Variants in MKS1 observed in about 807,000 individuals in gnomAD.
The protein encoded by MKS1 is MKS transition zone complex subunit 1, also known as tectonic-like complex member MKS1.
Under a neutral mutation model 83.7 loss-of-function variants are expected in MKS1, and 70 were observed. The observed-to-expected ratio is 0.84, with a 90% confidence interval of 0.69 to 1.02. The LOEUF is 1.02. Among genes scored for constraint, MKS1 ranks in the 50% least tolerant of loss-of-function variants. The pLI, the probability that MKS1 is intolerant of heterozygous loss-of-function variation, is 0.00. For missense variants in MKS1, 681 were observed against 726.9 expected (o/e 0.94, Z 0.73); for synonymous variants, 251 against 273.4 (o/e 0.92, Z 0.81).
At position 58,214,289 on chromosome 17, in the gene MKS1, T is replaced by C. The variant is rs1186426432; in HGVS notation, c.614A>G (p.His205Arg). ...ATAGGGCCCCAGGTCTGCCATGATG[T>C]GCATTGTCTGAAGAGGGGTGTTAAT... ...HVINTPLQTM[H>R]IMADLGPYKK... Residue 205 changes from histidine to arginine, a missense_variant, in exon 6 of 18, where the codon CAC becomes CGC. Around this residue, in one of 3 missense-constraint regions of MKS1, gnomAD observed 365 missense variants for 383.8 expected, o/e 0.95. Coordinates refer to ENST00000393119, the MANE Select transcript of MKS1 (RefSeq NM_017777.4). 6.2e-7 allele frequency: 1 copy of C among 1,614,034 alleles called. No homozygotes were observed. The highest frequency in any genetic ancestry group is 8.5e-7 in the Non-Finnish European group (1 of 1,180,040).
intron 5 of MKS1, 32 bp from the exon 6 acceptor site, chr17:58,214,419 G>A: frequency 6.2e-7 from 1 of 1,612,236 alleles, no homozygotes; most frequent in Non-Finnish European, 8.5e-7. Flanking sequence ...TCACTTCCCT[G>A]GCACACCCCA....
intron 2 of MKS1, 180 bp downstream of exon 2, chr17:58,218,440 T>C (rs1969375331): frequency 5.3e-6 from 2 of 380,482 alleles, no homozygotes; most frequent in African/African-American, 3.7e-5. Context: ...AGAGCAAGAC[T>C]CCGTCTCAAA....
At position 58,206,531 on chromosome 17, in the gene MKS1, C is replaced by T. The variant is rs200026560; in HGVS notation, c.1424G>A (p.Arg475His). The change falls in exon 16 of 18, where the codon CGC becomes CAC. Residue 475 changes from arginine (R) to histidine (H), a missense_variant. By Grantham distance (29) the Arg-to-His change is conservative (BLOSUM62 0). Transcript: ENST00000393119. Reference protein sequence around the residue: ...PGSFKGERLSRFGLRTETTGT... With the variant: ...PGSFKGERLSHFGLRTETTGT... The stretch of plus-strand genomic sequence containing the variant: ...TGTGGTCTCTGTGCGGAGTCCAAAG[C>T]GGCTCAGGCGTTCCCCCTGTGGCAT... 2.4e-5 allele frequency: 39 copies of T among 1,613,052 alleles called. No homozygotes were observed. In the East Asian group the frequency reaches 2.5e-4, roughly 10 times the overall value.
At chr17:58,210,632 A>G in intron 11 of MKS1, 27 bp downstream of exon 11, 1 of 1,602,652 alleles carries the variant, frequency 6.2e-7, no homozygotes, top group Non-Finnish European at 8.5e-7. Context: ...ATGGGTATAA[A>G]AGGAGAGACT....
intron 4 of MKS1, 26 bp downstream of exon 4, chr17:58,216,062 C>T: frequency 6.2e-7 from 1 of 1,613,278 alleles, no homozygotes; most frequent in Non-Finnish European, 8.5e-7. Context: ...AAGATGGAAG[C>T]TATGAGACCC....
intron 2 of MKS1, among the ~76,000 whole-genome samples, chr17:58,217,014 G>C (rs935970944): frequency 1.3e-5 from 2 of 152,168 alleles, no homozygotes; most frequent in Admixed American, 6.5e-5. Flanking sequence ...GGGGGGGATG[G>C]AGTCTCACTC....
intron 12 of MKS1, 28 bp downstream of exon 12, chr17:58,208,485 T>C: frequency 6.2e-7 from 1 of 1,610,920 alleles, no homozygotes; most frequent in South Asian, 1.1e-5. Context: ...CTCATTCCCT[T>C]CCAGATACCC....
chr17:58,216,726 G>A lies in MKS1; in HGVS notation c.201C>T (p.Arg67=). The A allele has an allele frequency of 1.2e-6, 2 of 1,614,160 alleles. No individual in the cohort carries two copies. Among genetic ancestry groups the A allele is most frequent in the Non-Finnish European group, 1.7e-6 (2 of 1,180,008 alleles). The part of the protein sequence containing the change: ...FRPQPTASGH[R]PEEDEEEEIV... ...TCTCCTCCTCTTCGTCTTCCTCTGGGCGGTGTCCACCTCCAAAGACAACAG... is the reference window on the plus strand; with the variant it reads ...TCTCCTCCTCTTCGTCTTCCTCTGGACGGTGTCCACCTCCAAAGACAACAG... Residue 67 remains arginine (R), a synonymous_variant, in exon 3 of 18, where the codon CGC becomes CGT. Transcript: ENST00000393119.
Position 58,206,422 on chromosome 17 carries a change from C to T in MKS1, c.1491-42G>A, listed in dbSNP as rs748929197. The stretch of plus-strand genomic sequence containing the variant: ...CACATGGTTACGGCTGTCTCCACCC[C>T]TCAGGGCTAAGGTGCCCTGAGGCAG... On this transcript the variant is annotated intron_variant, in intron 16 of 17. Transcript: ENST00000393119. 3 of 1,614,088 alleles carry T rather than the reference C, an allele frequency of 1.9e-6. No homozygotes were observed. The East Asian group carries it at 6.7e-5, about 36-fold the overall frequency.
rs771262017 is a variant in MKS1, at chr17:58,208,126, G to A, written c.1144C>T (p.Leu382Phe). The change falls in exon 13 of 18, where the codon CTC becomes TTC. Residue 382 changes from leucine to phenylalanine, a missense_variant. Transcript: ENST00000393119. ...SYPFTFEAFFLHEDESSDALP... is the reference protein window; with the variant it reads ...SYPFTFEAFFFHEDESSDALP... Reference sequence around the variant, plus strand: ...TCACCAGAAGATTCATCCTCATGGAGGAAGAAGGCTTCAAACGTGAATGGG... The same window carrying A: ...TCACCAGAAGATTCATCCTCATGGAAGAAGAAGGCTTCAAACGTGAATGGG... The A allele has an allele frequency of 1.2e-6, 2 of 1,613,904 alleles. No homozygotes were observed. The highest frequency in any genetic ancestry group is 2.2e-5 in the South Asian group (2 of 91,078).
rs576917967 is a variant in MKS1, at chr17:58,206,845, T to C, written c.1407+240A>G. 7.0e-4 allele frequency: 448 copies of C among 642,094 alleles called. 6 individuals are homozygous for C. In the South Asian group the frequency reaches 8.4e-3, roughly 12 times the overall value. 39.8% of individuals were successfully genotyped at this position (642,094 alleles called of 1,614,324 possible). A position where few individuals can be genotyped will look rare whatever the true frequency, so the allele number is the denominator to read the frequency against. On this transcript the variant is annotated intron_variant, in intron 15 of 17. Transcript: ENST00000393119. The stretch of plus-strand genomic sequence containing the variant: ...AGTGATGGGGGAAAGAGCCAGTTAT[T>C]CTGATGGGAACCAGGGGAAATCTCT...
chr17:58,218,480 A>AAAC, intron 2 of MKS1, 140 bp downstream of exon 2: 1 of 328,486 alleles, frequency 3.0e-6, no homozygotes, highest in Non-Finnish European at 5.7e-6. Flanking sequence ...AAAAAAAAAA[A>AAAC]GCCACAAATA....
At position 58,213,082 on chromosome 17, in the gene MKS1, G is replaced by A. The variant is rs778058178; in HGVS notation, c.758C>T (p.Thr253Met). ...TGLKGPYRIETEGEKQELWKY... is the reference protein window; with the variant it reads ...TGLKGPYRIEMEGEKQELWKY... Reference sequence around the variant, plus strand: ...CCACAGCTCCTGCTTCTCCCCCTCCGTCTCAATCCTGTAAGGTCAAAACCA... The same window carrying A: ...CCACAGCTCCTGCTTCTCCCCCTCCATCTCAATCCTGTAAGGTCAAAACCA... Residue 253 changes from threonine to methionine, a missense_variant, in exon 8 of 18, where the codon ACG becomes ATG. Around this residue, in one of 3 missense-constraint regions of MKS1, gnomAD observed 365 missense variants for 383.8 expected, o/e 0.95. Coordinates refer to ENST00000393119, the MANE Select transcript of MKS1 (RefSeq NM_017777.4). The A allele has an allele frequency of 5.6e-6, 9 of 1,613,864 alleles. No homozygotes were observed. The highest frequency in any genetic ancestry group is 1.1e-5 in the South Asian group (1 of 91,092).
intron 1 of MKS1, 41 bp from the exon 2 acceptor site, chr17:58,218,770 A>T (rs755269136): frequency 6.6e-7 from 1 of 1,511,504 alleles, no homozygotes; most frequent in Non-Finnish European, 9.2e-7. Context: ...CAGACACGCA[A>T]CCAGGAGATG....
In MKS1 at chr17:58,219,183, G is replaced by A. The variant is rs958178856; in HGVS notation, c.48C>T (p.Arg16=). ...WSTDTGEAVY[R]SRDPVRNLRL... The stretch of plus-strand genomic sequence containing the variant: ...GCAAGTTGCGCACGGGGTCCCGGGA[G>A]CGATACACTGCCTCCCCGGTGTCAG... The change falls in exon 1 of 18, where the codon CGC becomes CGT. Residue 16 remains arginine (R), a synonymous_variant. Transcript: ENST00000393119. The A allele has an allele frequency of 3.2e-6, 5 of 1,551,090 alleles. No homozygotes were observed. The highest frequency in any genetic ancestry group is 4.4e-6 in the Non-Finnish European group (5 of 1,147,016).
chr17:58,210,911 G>A, intron 10 of MKS1, 69 bp downstream of exon 10: 5 of 1,550,574 alleles, frequency 3.2e-6, no homozygotes, highest in Middle Eastern at 3.4e-4. Context: ...CAGAGTGGAG[G>A]AGACTATTCA....
At chr17:58,216,794 C>G in intron 2 of MKS1, 58 bp from the exon 3 acceptor site, 2 of 1,560,396 alleles carry the variant, frequency 1.3e-6, no homozygotes, top group Non-Finnish European at 1.8e-6. Context: ...ACTTCTTGTT[C>G]TGTGGTTTAT....
At chr17:58,208,416 TC>T in intron 12 of MKS1, 96 bp downstream of exon 12, 1 of 1,417,506 alleles carries the variant, frequency 7.1e-7, no homozygotes, top group Non-Finnish European at 9.9e-7. Context: ...TCTGGAATCC[TC>T]CCCAGGGCGC....
rs1241576692 is a variant in MKS1 at position 58,210,818 on chromosome 17, G to A, written c.959-94C>T. Reference sequence around the variant, plus strand: ...AGGGGCCTACACACCCTGAGAGCAAGTCTTTTGAGGGCCAGGAACCCTCTG... The same window carrying A: ...AGGGGCCTACACACCCTGAGAGCAAATCTTTTGAGGGCCAGGAACCCTCTG... On this transcript the variant is annotated intron_variant, in intron 10 of 17. Coordinates refer to ENST00000393119, the MANE Select transcript of MKS1 (RefSeq NM_017777.4). 4 of 1,462,208 alleles carry A rather than the reference G, an allele frequency of 2.7e-6. No individual in the cohort carries two copies. The African/African-American group carries it at 5.6e-5, about 20-fold the overall frequency. 90.6% of individuals were successfully genotyped at this position (1,462,208 alleles called of 1,614,324 possible).
Sources: gnomAD v4.1 joint callset for allele counts (sites outside exome capture counted in the v4.1 genomes callset) on GRCh38, gnomAD v4.1.1 for gene constraint, gnomAD v4.1.1 regional missense constraint, MANE v1.5 for transcripts, NCBI Gene and HGNC (gene_info 2026-07-23, HGNC 2026-07-21) for gene names.